CYP4X1: variants seen among roughly 807,000 people sequenced by gnomAD.
CYP4X1 encodes the protein cytochrome P450 family 4 subfamily X member 1, also known as cytochrome P450 4X1.
A neutral mutation model predicts 57.9 loss-of-function variants in CYP4X1; 44 were observed. The observed-to-expected ratio is 0.76, with a 90% CI of 0.60 to 0.98. The LOEUF is 0.98. CYP4X1 is among the 50% of genes least tolerant of loss of function. CYP4X1 has a pLI of 0.00. For missense variants in CYP4X1, 532 were observed against 623.9 expected (o/e 0.85, Z 1.57); for synonymous variants, 227 against 228.6 (o/e 0.99, Z 0.06).
chr1:46,984,334 C>G, the CYP4X1 span, among the ~76,000 whole-genome samples: 1 of 144,860 alleles, frequency 6.9e-6, no homozygotes, highest in Non-Finnish European at 1.5e-5. Context: ...CTGGGATGAT[C>G]CCACTGAAGA....
rs774444553 is a variant in CYP4X1 at position 47,039,322 on chromosome 1, A to G, written c.883-20A>G. ...TATAAACTGGCATTTTATTTAAAATATTTGTATTGTACTTTCTAGGATGAA... is the reference window on the plus strand; with the variant it reads ...TATAAACTGGCATTTTATTTAAAATGTTTGTATTGTACTTTCTAGGATGAA... On this transcript the variant is annotated intron_variant, in intron 7 of 11. Coordinates refer to ENST00000371901, the MANE Select transcript of CYP4X1 (RefSeq NM_178033.2). 2.6e-6 allele frequency: 4 copies of G among 1,546,542 alleles called. No individual in the cohort carries two copies. The highest frequency in any genetic ancestry group is 1.2e-5 in the South Asian group (1 of 80,956).
chr1:46,989,323 C>G, the CYP4X1 span, among the ~76,000 whole-genome samples: 1 of 151,954 alleles, frequency 6.6e-6, no homozygotes, highest in Non-Finnish European at 1.5e-5. Flanking sequence ...AATAAAATAC[C>G]TAGGAATACC....
chr1:47,043,220 A>AT (rs1252473962), intron 8 of CYP4X1, among the ~76,000 whole-genome samples: 2 of 151,938 alleles, frequency 1.3e-5, no homozygotes, highest in Admixed American at 1.3e-4. Context: ...GATGTTGAGC[A>AT]TTTTTTCATA....
At chr1:47,046,401 A>T in intron 8 of CYP4X1, 66 bp from the exon 9 acceptor site, 1 of 1,597,800 alleles carries the variant, frequency 6.3e-7, no homozygotes, top group South Asian at 1.1e-5. Flanking sequence ...CCAGGAACAA[A>T]CAGAAAACAG....
At chr1:46,961,773 C>T in the CYP4X1 span, 1 of 1,306,056 alleles carries the variant, frequency 7.7e-7, no homozygotes, top group Admixed American at 2.2e-5. Flanking sequence ...AAGCACCTGC[C>T]TTTCTTGCCT....
the CYP4X1 span, among the ~76,000 whole-genome samples, chr1:46,971,749 G>A: frequency 1.2e-4 from 18 of 152,040 alleles, no homozygotes; most frequent in African/African-American, 4.3e-4. Context: ...CAAATCCTTT[G>A]CTGATTTTTT....
Position 47,023,972 on chromosome 1 carries a change from A to T in CYP4X1, c.155A>T (p.His52Leu). 1 of 1,612,176 alleles carries T rather than the reference A, an allele frequency of 6.2e-7. No individual in the cohort carries two copies. The change falls in exon 1 of 12, where the codon CAC becomes CTC. Residue 52 changes from histidine to leucine, a missense_variant. His to Leu is a moderately conservative substitution (Grantham distance 99). Coordinates refer to ENST00000371901, the MANE Select transcript of CYP4X1 (RefSeq NM_178033.2). ...DLRPFPAPPTHWFLGHQKFIQ... is the reference protein window; with the variant it reads ...DLRPFPAPPTLWFLGHQKFIQ... ...CGCCCCTTCCCAGCGCCCCCCACCCACTGGTTCCTTGGGCACCAGAAGGTA... is the reference window on the plus strand; with the variant it reads ...CGCCCCTTCCCAGCGCCCCCCACCCTCTGGTTCCTTGGGCACCAGAAGGTA...
chr1:47,031,735 C>T (rs746376456), intron 3 of CYP4X1, among the ~76,000 whole-genome samples: 1 of 152,056 alleles, frequency 6.6e-6, no homozygotes, highest in African/African-American at 2.4e-5. Context: ...GAATCTGTCC[C>T]CTCTCTCTTT....
rs371858080 is a variant in CYP4X1, at chr1:47,030,144, G to T, written c.319+13G>T. On this transcript the variant is annotated intron_variant, in intron 2 of 11. Transcript: ENST00000371901. ...CTGAGCAGAACAGGTAAGAAGAGGG[G>T]GAAAGCTCTGGGACCTATTCCTCCT... 6.2e-7 allele frequency: 1 copy of T among 1,603,696 alleles called. No individual in the cohort carries two copies. The highest frequency in any genetic ancestry group is 8.5e-7 in the Non-Finnish European group (1 of 1,173,492).
At chr1:47,016,686 C>T in the CYP4X1 span, among the ~76,000 whole-genome samples, 1 of 152,070 alleles carries the variant, frequency 6.6e-6, no homozygotes, top group Non-Finnish European at 1.5e-5. Context: ...TGACACAAGG[C>T]ATGCAATGCA....
chr1:46,967,738 T>C, the CYP4X1 span: 1 of 1,218,740 alleles, frequency 8.2e-7, no homozygotes, highest in Non-Finnish European at 1.1e-6. Flanking sequence ...GATTCCACTT[T>C]TGAACTTCAG....
chr1:47,023,482 A>G, upstream of CYP4X1: 1 of 1,011,682 alleles, frequency 9.9e-7, no homozygotes, highest in Non-Finnish European at 1.2e-6. Flanking sequence ...AAAAACAATG[A>G]CCTCAGCTTT....
chr1:47,033,028 C>T (rs559828902), intron 3 of CYP4X1, among the ~76,000 whole-genome samples: 4 of 152,102 alleles, frequency 2.6e-5, no homozygotes, highest in Non-Finnish European at 5.9e-5. Context: ...AACTGTTTCT[C>T]ACAATATTAA....
chr1:47,038,805 G>C lies in CYP4X1; in HGVS notation c.882+39G>C, dbSNP rs745594509. ...ATTTCTAAGCCTGCTCAAGTGACCA[G>C]TTAATTATGTAAGTAGGTGGGTAAG... is the stretch of plus-strand genomic sequence containing the variant. On this transcript the variant is annotated intron_variant, in intron 7 of 11. Coordinates refer to ENST00000371901, the MANE Select transcript of CYP4X1 (RefSeq NM_178033.2). 1.2e-5 allele frequency: 18 copies of C among 1,551,652 alleles called. No individual in the cohort carries two copies. In the African/African-American group the frequency reaches 1.9e-4, roughly 17 times the overall value.
At chr1:46,973,285 T>G in the CYP4X1 span, among the ~76,000 whole-genome samples, 1 of 152,170 alleles carries the variant, frequency 6.6e-6, no homozygotes, top group African/African-American at 2.4e-5. Context: ...GCCTACTCGA[T>G]AGTGATATAT....
intron 11 of CYP4X1, among the ~76,000 whole-genome samples, chr1:47,049,791 G>T (rs949818871): frequency 6.6e-6 from 1 of 152,056 alleles, no homozygotes; most frequent in Non-Finnish European, 1.5e-5. Flanking sequence ...TCCAACTGCC[G>T]CCTTGTTATA....
downstream of CYP4X1, among the ~76,000 whole-genome samples, chr1:47,051,890 T>G (rs1419528806): frequency 6.6e-6 from 1 of 151,824 alleles, no homozygotes; most frequent in Non-Finnish European, 1.5e-5. Flanking sequence ...TCTATATATC[T>G]CCTTCTTGCT....
In CYP4X1 at chr1:47,039,542, G is replaced by A. The variant is rs1644222608; in HGVS notation, c.1073+10G>A. 1.9e-6 allele frequency: 3 copies of A among 1,573,352 alleles called. No homozygotes were observed. The highest frequency in any genetic ancestry group is 2.3e-5 in the East Asian group (1 of 43,888). On this transcript the variant is annotated intron_variant, in intron 8 of 11. Coordinates refer to ENST00000371901, the MANE Select transcript of CYP4X1 (RefSeq NM_178033.2). ...GGTCTTCTATCACTTGGTAAGATCT[G>A]CACCCCTAAATTTTCCTGCTAGTTT... is the stretch of plus-strand genomic sequence containing the variant.
At chr1:46,984,607 C>T in the CYP4X1 span, among the ~76,000 whole-genome samples, 6 of 152,010 alleles carry the variant, frequency 3.9e-5, no homozygotes, top group South Asian at 2.1e-4. Flanking sequence ...CGCAAGGGGT[C>T]AGGGAACTCC....
Sources: gnomAD v4.1 joint callset for allele counts (sites outside exome capture counted in the v4.1 genomes callset) on GRCh38, gnomAD v4.1.1 for gene constraint, MANE v1.5 for transcripts, NCBI Gene and HGNC (gene_info 2026-07-23, HGNC 2026-07-21) for gene names.